NAV2: variants seen among roughly 807,000 people sequenced by gnomAD.
NAV2 encodes helicase, APC down-regulated 1.
In NAV2, 54 loss-of-function variants were observed where a neutral mutation model predicts 223.2. That is an observed-to-expected ratio of 0.24 (90% confidence interval 0.19 to 0.30). The LOEUF is 0.30. Among genes scored for constraint, NAV2 ranks in the 10% least tolerant of loss-of-function variants. The pLI is 1.00. For missense variants in NAV2, 2,806 were observed against 3,147.5 expected (o/e 0.89, Z 2.60); for synonymous variants, 1,279 against 1,239.3 (o/e 1.03, Z -0.67).
chr11:19,480,577 G>A (rs2042247692), intron 1 of NAV2, among the ~76,000 whole-genome samples: 1 of 152,022 alleles, frequency 6.6e-6, no homozygotes, highest in South Asian at 2.1e-4. Context: ...GTCTTTATGG[G>A]GCCTGTTTGT....
chr11:19,827,405 C>T (rs534336241), intron 1 of NAV2, among the ~76,000 whole-genome samples: 24 of 152,238 alleles, frequency 1.6e-4, no homozygotes, highest in East Asian at 7.7e-4. Context: ...GGTTGTTGAC[C>T]GCCTATTTGT....
At chr11:19,587,795 C>T (rs2045947114) in intron 1 of NAV2, among the ~76,000 whole-genome samples, 1 of 152,138 alleles carries the variant, frequency 6.6e-6, no homozygotes, top group Admixed American at 6.5e-5. Flanking sequence ...AAGAAGGTAC[C>T]ACAATGTATA....
At chr11:20,012,451 G>A (rs928421005) in intron 11 of NAV2, among the ~76,000 whole-genome samples, 17 of 152,084 alleles carry the variant, frequency 1.1e-4, no homozygotes, top group Non-Finnish European at 2.5e-4. Flanking sequence ...CGAGGCAGGT[G>A]GATCACCTGA....
chr11:19,481,427 G>A (rs987164489), intron 1 of NAV2, among the ~76,000 whole-genome samples: 2 of 152,096 alleles, frequency 1.3e-5, no homozygotes, highest in African/African-American at 4.8e-5. Context: ...TTTTTGTCTT[G>A]CAACTATTTT....
chr11:19,770,790 G>A (rs772174233), intron 1 of NAV2, among the ~76,000 whole-genome samples: 4 of 152,096 alleles, frequency 2.6e-5, no homozygotes, highest in South Asian at 2.1e-4. Flanking sequence ...GAAATGACAC[G>A]TAATCTTCAC....
chr11:20,016,768 G>T (rs1177541343), intron 11 of NAV2, among the ~76,000 whole-genome samples: 1 of 151,912 alleles, frequency 6.6e-6, no homozygotes, highest in Non-Finnish European at 1.5e-5. Context: ...GGCCAAGGAA[G>T]GCAGATTGCC....
intron 1 of NAV2, among the ~76,000 whole-genome samples, chr11:19,567,920 C>T (rs1202348062): frequency 1.3e-5 from 2 of 152,192 alleles, no homozygotes; most frequent in African/African-American, 2.4e-5. Flanking sequence ...GTCAGGGGCT[C>T]TGTGTACCCT....
At chr11:19,493,691 T>C (rs560343944) in intron 1 of NAV2, among the ~76,000 whole-genome samples, 20 of 152,190 alleles carry the variant, frequency 1.3e-4, no homozygotes, top group African/African-American at 4.3e-4. Context: ...GCAGGTGGGA[T>C]TGGAGAGACA....
intron 1 of NAV2, among the ~76,000 whole-genome samples, chr11:19,595,934 T>A (rs1483224507): frequency 6.6e-6 from 1 of 152,118 alleles, no homozygotes; most frequent in Non-Finnish European, 1.5e-5. Flanking sequence ...ACAATTCCGC[T>A]CCCAAACACA....
At chr11:19,923,528 A>C (rs1420150185) in intron 6 of NAV2, among the ~76,000 whole-genome samples, 1 of 152,208 alleles carries the variant, frequency 6.6e-6, no homozygotes, top group Non-Finnish European at 1.5e-5. Flanking sequence ...GGAGGCTCCT[A>C]TTTGGGGCTG....
At position 19,398,084 on chromosome 11, in the gene NAV2, G is replaced by A. The variant is rs551292570; in HGVS notation, c.75+47057G>A. On this transcript the variant is annotated intron_variant, in intron 1 of 37. Transcript: ENST00000360655. Reference sequence around the variant, plus strand: ...TGCATTGCTATAAAGAAATGCCTGAGACTGGGTAATTTATAAGAAAAGAGG... The same window carrying A: ...TGCATTGCTATAAAGAAATGCCTGAAACTGGGTAATTTATAAGAAAAGAGG... 3.3e-5 allele frequency among the ~76,000 whole-genome samples: 5 copies of A among 152,282 alleles called. No individual in the cohort carries two copies. The South Asian group carries it at 1.0e-3, about 32-fold the overall frequency.
At chr11:19,683,434 A>G (rs1227934931) in intron 1 of NAV2, among the ~76,000 whole-genome samples, 1 of 152,182 alleles carries the variant, frequency 6.6e-6, no homozygotes, top group Admixed American at 6.5e-5. Context: ...CTGAATTTTT[A>G]TGGGTCATAA....
intron 11 of NAV2, among the ~76,000 whole-genome samples, chr11:20,003,105 G>A (rs758474558): frequency 6.6e-6 from 1 of 152,150 alleles, no homozygotes; most frequent in Admixed American, 6.5e-5. Flanking sequence ...GAAAACAAAC[G>A]CAGACCTTTC....
At chr11:20,066,835 A>G (rs1382113158) in intron 20 of NAV2, among the ~76,000 whole-genome samples, 1 of 152,210 alleles carries the variant, frequency 6.6e-6, no homozygotes, top group Non-Finnish European at 1.5e-5. Flanking sequence ...TCACTCACCT[A>G]TCTGGTTCCC....
intron 1 of NAV2, among the ~76,000 whole-genome samples, chr11:19,415,545 A>G (rs539577331): frequency 6.6e-5 from 10 of 152,336 alleles, no homozygotes; most frequent in Admixed American, 1.3e-4. Context: ...TTGTTTCTGA[A>G]ACTATTCCAA....
At chr11:19,393,287 G>T (rs1447446945) in intron 1 of NAV2, among the ~76,000 whole-genome samples, 1 of 152,180 alleles carries the variant, frequency 6.6e-6, no homozygotes, top group Non-Finnish European at 1.5e-5. Flanking sequence ...TGACCAGAAG[G>T]CCTCTGATAA....
intron 1 of NAV2, among the ~76,000 whole-genome samples, chr11:19,750,325 C>T (rs545589403): frequency 5.3e-5 from 8 of 152,306 alleles, no homozygotes; most frequent in African/African-American, 1.9e-4. Flanking sequence ...ATCTATCAGT[C>T]CCAAACCTTC....
intron 1 of NAV2, among the ~76,000 whole-genome samples, chr11:19,518,066 A>G (rs1407644377): frequency 6.6e-6 from 1 of 152,266 alleles, no homozygotes; most frequent in African/African-American, 2.4e-5. Flanking sequence ...AGTAGGGTGA[A>G]TAGAGTGGGC....
At chr11:19,943,925 T>C (rs113409925) in intron 8 of NAV2, among the ~76,000 whole-genome samples, 116 of 141,924 alleles carry the variant, frequency 8.2e-4, no homozygotes, top group African/African-American at 2.7e-3. Flanking sequence ...AGGCCGTGTG[T>C]GGTGGCTCAC....
Sources: allele counts gnomAD v4.1 joint callset (sites outside exome capture counted in the v4.1 genomes callset), GRCh38; gene constraint gnomAD v4.1.1; transcripts MANE v1.5; gene names NCBI Gene and HGNC (gene_info 2026-07-23, HGNC 2026-07-21).